NAV3: variants seen among roughly 807,000 people sequenced by gnomAD.
NAV3 encodes pore membrane and/or filament interacting like protein 1.
NAV3 carries 87 observed loss-of-function variants against 244.7 expected under a neutral mutation model. The ratio of observed to expected loss-of-function variants is 0.36; its 90% CI spans 0.30 to 0.42. The LOEUF is 0.42. Among genes scored for constraint, NAV3 ranks in the 20% least tolerant of loss-of-function variants. NAV3 has a pLI of 1.00. For missense variants in NAV3, 2,663 were observed against 2,893.3 expected, an observed-to-expected ratio of 0.92 and a Z score of 1.83; for synonymous variants, 1,126 against 1,042.2, an observed-to-expected ratio of 1.08 and a Z score of -1.55.
At chr12:77,665,632 A>T (rs1873678811) in intron 2 of NAV3, among the ~76,000 whole-genome samples, 1 of 152,212 alleles carries the variant, frequency 6.6e-6, no homozygotes, top group African/African-American at 2.4e-5. Flanking sequence ...TTATAAATAT[A>T]AACTATTAAA....
intron 22 of NAV3, among the ~76,000 whole-genome samples, chr12:78,150,092 G>A (rs1025660943): frequency 1.3e-5 from 2 of 151,994 alleles, no homozygotes; most frequent in Non-Finnish European, 1.5e-5. Context: ...TAACCTTGTT[G>A]TGTTTTTAAA....
intron 2 of NAV3, among the ~76,000 whole-genome samples, chr12:77,704,810 A>G (rs1875718447): frequency 6.6e-6 from 1 of 152,194 alleles, no homozygotes; most frequent in African/African-American, 2.4e-5. Flanking sequence ...ATATTTATTC[A>G]TATTTCTCTT....
chr12:77,841,398 G>A (rs2136167890), intron 1 of NAV3, among the ~76,000 whole-genome samples: 1 of 152,294 alleles, frequency 6.6e-6, no homozygotes, highest in Middle Eastern at 3.4e-3. Flanking sequence ...ATAATGAAAT[G>A]TGACCAAGCA....
intron 2 of NAV3, among the ~76,000 whole-genome samples, chr12:77,773,454 G>A (rs930525278): frequency 6.6e-6 from 1 of 152,094 alleles, no homozygotes; most frequent in East Asian, 1.9e-4. Flanking sequence ...GGTATTTACC[G>A]AGTACTTACT....
At chr12:77,629,126 A>G (rs1871772815) in intron 2 of NAV3, among the ~76,000 whole-genome samples, 1 of 152,184 alleles carries the variant, frequency 6.6e-6, no homozygotes, top group Non-Finnish European at 1.5e-5. Flanking sequence ...ACTTCATAAC[A>G]ATTTATCCTG....
At chr12:78,038,712 A>G (rs1880339063) in intron 9 of NAV3, among the ~76,000 whole-genome samples, 1 of 152,214 alleles carries the variant, frequency 6.6e-6, no homozygotes, top group Non-Finnish European at 1.5e-5. Flanking sequence ...CAAAGGCGAG[A>G]GAAAGTCTTA....
At chr12:77,994,041 A>G (rs1228828855) in intron 5 of NAV3, among the ~76,000 whole-genome samples, 7 of 80,306 alleles carry the variant, frequency 8.7e-5, no homozygotes, top group South Asian at 3.1e-4. Context: ...TATATATAAA[A>G]TATTGCTCTT....
chr12:77,698,198 C>A (rs1875398549), intron 2 of NAV3, among the ~76,000 whole-genome samples: 1 of 152,152 alleles, frequency 6.6e-6, no homozygotes, highest in Non-Finnish European at 1.5e-5. Context: ...CTGCATGTTA[C>A]TCCATCTCAT....
At chr12:77,828,051 C>T (rs1873201202), upstream of NAV3, among the ~76,000 whole-genome samples, 2 of 152,102 alleles carry the variant, frequency 1.3e-5, no homozygotes, top group South Asian at 2.1e-4. Context: ...GTTTTGCATC[C>T]CCTCCAAAAA....
rs757020958 is a variant in NAV3 at position 78,137,178 on chromosome 12, G to A, written c.4443G>A (p.Val1481=). The A allele has an allele frequency of 2.5e-6, 4 of 1,607,724 alleles. No individual in the cohort carries two copies. Among genetic ancestry groups the A allele is most frequent in the South Asian group, 1.1e-5 (1 of 90,144 alleles). ...GGCTCTGTGTGTTTTGTTTTTCAGT[G>A]AGCCCAACAAATTTGTCTCAGTTTA... ...AAGKYHFSNL[V]SPTNLSQFNL... Residue 1481 remains valine (V), a splice_region_variant and synonymous_variant, in exon 19 of 40, where the codon GTG becomes GTA. Transcript: ENST00000397909.
At chr12:77,692,256 A>G (rs947450490) in intron 2 of NAV3, among the ~76,000 whole-genome samples, 1 of 152,080 alleles carries the variant, frequency 6.6e-6, no homozygotes, top group Non-Finnish European at 1.5e-5. Flanking sequence ...TTAATGTTCC[A>G]TGAGGAATCC....
intron 12 of NAV3, among the ~76,000 whole-genome samples, chr12:78,110,488 A>G (rs1457152941): frequency 6.6e-6 from 1 of 152,078 alleles, no homozygotes; most frequent in Non-Finnish European, 1.5e-5. Flanking sequence ...AATTCTGAAC[A>G]TAAAGAACAA....
intron 2 of NAV3, among the ~76,000 whole-genome samples, chr12:77,703,694 A>G (rs1322707791): frequency 1.3e-5 from 2 of 152,158 alleles, no homozygotes; most frequent in African/African-American, 2.4e-5. Context: ...TGGCCTGGCC[A>G]TATGTGCACA....
chr12:77,595,101 CA>C (rs1200567068), intron 2 of NAV3, among the ~76,000 whole-genome samples: 1 of 152,116 alleles, frequency 6.6e-6, no homozygotes, highest in Non-Finnish European at 1.5e-5. Context: ...GAGATATCTG[CA>C]CTCCCATGTT....
At chr12:77,733,439 G>A (rs1329585485) in intron 2 of NAV3, among the ~76,000 whole-genome samples, 1 of 151,994 alleles carries the variant, frequency 6.6e-6, no homozygotes, top group East Asian at 1.9e-4. Flanking sequence ...TTCAAAGCCA[G>A]AGAAAGAGAG....
At chr12:78,140,074 GA>G (rs1300629058) in intron 19 of NAV3, among the ~76,000 whole-genome samples, 2 of 152,280 alleles carry the variant, frequency 1.3e-5, no homozygotes, top group East Asian at 3.9e-4. Context: ...CTTGGCAACT[GA>G]GGTACTTTAG....
At chr12:78,159,608 G>A (rs11108536) in intron 23 of NAV3, among the ~76,000 whole-genome samples, 27,168 of 151,932 alleles carry the variant, frequency 0.18, 2,658 homozygotes, top group South Asian at 0.39. Flanking sequence ...GGCAGAGGAC[G>A]CAGTGAGCCA....
intron 12 of NAV3, among the ~76,000 whole-genome samples, chr12:78,078,341 A>G (rs1340543685): frequency 1.4e-5 from 2 of 143,740 alleles, no homozygotes; most frequent in African/African-American, 5.2e-5. Context: ...AACCCAAGTA[A>G]CAAGTATGAG....
intron 11 of NAV3, among the ~76,000 whole-genome samples, chr12:78,057,187 T>C (rs1051673239): frequency 3.9e-5 from 6 of 152,186 alleles, no homozygotes; most frequent in Non-Finnish European, 5.9e-5. Context: ...AAGTTACATA[T>C]TTTAATTGAG....
Sources: gnomAD v4.1 joint callset for allele counts (sites outside exome capture counted in the v4.1 genomes callset) on GRCh38, gnomAD v4.1.1 for gene constraint, MANE v1.5 for transcripts, NCBI Gene and HGNC (gene_info 2026-07-23, HGNC 2026-07-21) for gene names.